Variants in VWA3A observed in about 807,000 individuals in gnomAD.
VWA3A encodes the protein von Willebrand factor A domain-containing protein 3A.
In VWA3A, 134 loss-of-function variants were observed where a neutral mutation model predicts 160.4. The observed-to-expected ratio is 0.84, with a 90% CI of 0.73 to 0.96. The LOEUF (loss-of-function observed/expected upper bound fraction) is 0.96. Ranked by LOEUF, VWA3A falls within the 40% of genes least tolerant of loss-of-function variation. The probability of loss-of-function intolerance (pLI) is 0.00; values close to 1 mark genes in which losing one functional copy is unlikely to be tolerated. For synonymous variants in VWA3A, 476 were observed against 543.4 expected, an observed-to-expected ratio of 0.88 and a Z score of 1.72; for missense variants, 1,310 against 1,447.9, an observed-to-expected ratio of 0.90 and a Z score of 1.55.
chr16:22,101,752 A>G (rs1178559490), intron 5 of VWA3A, among the ~76,000 whole-genome samples: 2 of 152,220 alleles, frequency 1.3e-5, no homozygotes, highest in African/African-American at 2.4e-5. Flanking sequence ...AGTAACTTTT[A>G]TTAGGTTGGA....
At chr16:22,113,250 G>T (rs1474001715) in intron 8 of VWA3A, among the ~76,000 whole-genome samples, 5 of 150,552 alleles carry the variant, frequency 3.3e-5, no homozygotes, top group Non-Finnish European at 7.4e-5. Flanking sequence ...GGAGTGCAGT[G>T]GTGTGATCTT....
chr16:22,111,630 C>A (rs2045553051), intron 8 of VWA3A, among the ~76,000 whole-genome samples: 1 of 152,150 alleles, frequency 6.6e-6, no homozygotes, highest in Admixed American at 6.5e-5. Flanking sequence ...TATAGGCATG[C>A]ACTACCACGC....
At chr16:22,149,652 T>G in intron 28 of VWA3A, 135 bp from the exon 29 acceptor site, 1 of 1,146,772 alleles carries the variant, frequency 8.7e-7, no homozygotes, top group Non-Finnish European at 1.2e-6. Flanking sequence ...CAGGGCTCGT[T>G]GTAGGGGTCT....
At chr16:22,133,755 C>T (rs1055451718) in intron 20 of VWA3A, among the ~76,000 whole-genome samples, 3 of 151,588 alleles carry the variant, frequency 2.0e-5, no homozygotes, top group Non-Finnish European at 4.4e-5. Flanking sequence ...AAAGTTGAGG[C>T]GAGCGGATTG....
chr16:22,115,028 A>G (rs938558359), intron 8 of VWA3A, among the ~76,000 whole-genome samples: 1 of 151,828 alleles, frequency 6.6e-6, no homozygotes, highest in Non-Finnish European at 1.5e-5. Context: ...GCTGGTCTTG[A>G]ATTCCTGACC....
chr16:22,115,918 G>GAAGGAAGGAAGGAAGGAAGGAAGGA (rs2045630381), intron 9 of VWA3A, among the ~76,000 whole-genome samples: 5 of 31,388 alleles, frequency 1.6e-4, no homozygotes, highest in Admixed American at 6.9e-4. Flanking sequence ...AGGAAGGAAG[G>GAAGGAAGGAAGGAAGGAAGGAAGGA]AAGGAAAGGA....
At chr16:22,096,811 T>G (rs2045331911) in intron 1 of VWA3A, 48 bp from the exon 2 acceptor site, 2 of 1,232,196 alleles carry the variant, frequency 1.6e-6, no homozygotes, top group Admixed American at 2.1e-5. Flanking sequence ...AAAACTATTG[T>G]CTGTATGCCA....
At chr16:22,121,171 C>T in intron 13 of VWA3A, 68 bp downstream of exon 13, 18 of 1,601,924 alleles carry the variant, frequency 1.1e-5, no homozygotes, top group Non-Finnish European at 1.5e-5. Flanking sequence ...TCCGGCCGGG[C>T]ACAGTGGCTC....
intron 29 of VWA3A, 96 bp from the exon 30 acceptor site, chr16:22,150,599 G>A: frequency 1.4e-6 from 2 of 1,416,644 alleles, no homozygotes; most frequent in Non-Finnish European, 1.9e-6. Context: ...ATGCATTTTG[G>A]CAGAGGCGGC....
chr16:22,112,956 T>C (rs1475755432), intron 8 of VWA3A, among the ~76,000 whole-genome samples: 1 of 152,166 alleles, frequency 6.6e-6, no homozygotes, highest in Admixed American at 6.5e-5. Flanking sequence ...AGGACTGTTA[T>C]GAAGATGAAA....
At position 22,109,961 on chromosome 16, in the gene VWA3A, T is replaced by C. The variant is rs956488141; in HGVS notation, c.582+381T>C. Among the ~76,000 whole-genome samples, 37 of 152,218 alleles carry C rather than the reference T, an allele frequency of 2.4e-4. 1 individual carries two copies. Among genetic ancestry groups the C allele is most frequent in the Admixed American group, 9.8e-4 (15 of 15,278 alleles). On this transcript the variant is annotated intron_variant, in intron 7 of 33. Coordinates refer to ENST00000389398, the MANE Select transcript of VWA3A (RefSeq NM_173615.5). The stretch of plus-strand genomic sequence containing the variant: ...CTTTGGAGTTATGGTTCCCATTGGA[T>C]ACTCACCAGCTCTAGTTTGAGAGAA...
At chr16:22,117,984 TA>T (rs1481413693) in intron 11 of VWA3A, among the ~76,000 whole-genome samples, 2 of 152,220 alleles carry the variant, frequency 1.3e-5, no homozygotes, top group African/African-American at 4.8e-5. Context: ...TATTTTATCT[TA>T]AAACCTGTGG....
chr16:22,094,276 C>T (rs10521120), intron 1 of VWA3A, among the ~76,000 whole-genome samples: 17,477 of 151,378 alleles, frequency 0.12, 1,245 homozygotes, highest in South Asian at 0.23. Flanking sequence ...TCAACAGTCT[C>T]TGCCATTAGA....
chr16:22,104,401 A>G (rs1377106918), intron 6 of VWA3A, among the ~76,000 whole-genome samples: 2 of 152,150 alleles, frequency 1.3e-5, no homozygotes, highest in African/African-American at 4.8e-5. Flanking sequence ...AGGCAGGAAA[A>G]TCGCTTGAAC....
At chr16:22,135,341 C>T (rs2046020630) in intron 21 of VWA3A, among the ~76,000 whole-genome samples, 1 of 152,132 alleles carries the variant, frequency 6.6e-6, no homozygotes, top group South Asian at 2.1e-4. Flanking sequence ...GGCTGTTTTC[C>T]CTCCAGGTGC....
chr16:22,152,068 G>T (rs375418600), intron 30 of VWA3A, among the ~76,000 whole-genome samples: 4 of 152,146 alleles, frequency 2.6e-5, no homozygotes, highest in African/African-American at 9.7e-5. Context: ...AAAATGAGCC[G>T]GGCGTGGTGG....
At chr16:22,098,184 G>A (rs1047450439) in intron 3 of VWA3A, among the ~76,000 whole-genome samples, 3 of 152,192 alleles carry the variant, frequency 2.0e-5, no homozygotes, top group East Asian at 1.9e-4. Context: ...TTCTACCAGG[G>A]ACACAGTGGC....
At chr16:22,093,923 C>A (rs920042603) in intron 1 of VWA3A, among the ~76,000 whole-genome samples, 4 of 147,302 alleles carry the variant, frequency 2.7e-5, no homozygotes, top group Non-Finnish European at 5.9e-5. Context: ...CACTGCCATG[C>A]CCAGCTAATT....
intron 24 of VWA3A, among the ~76,000 whole-genome samples, chr16:22,142,071 G>T (rs780578958): frequency 1.5e-4 from 23 of 152,128 alleles, no homozygotes; most frequent in Non-Finnish European, 2.6e-4. Context: ...TTGCTAGGCA[G>T]GAGGTCCCAA....
Sources: gnomAD v4.1 joint callset for allele counts (sites outside exome capture counted in the v4.1 genomes callset) on GRCh38, gnomAD v4.1.1 for gene constraint, MANE v1.5 for transcripts, NCBI Gene and HGNC (gene_info 2026-07-23, HGNC 2026-07-21) for gene names.